Variants in ZNF782 observed in about 807,000 individuals in gnomAD.
The protein encoded by ZNF782 is zinc finger protein 782.
Under a neutral mutation model 13.0 loss-of-function variants are expected in ZNF782, and 12 were observed. The ratio of observed to expected loss-of-function variants is 0.92; its 90% CI spans 0.59 to 1.50. The LOEUF (loss-of-function observed/expected upper bound fraction) is 1.50, where lower values mean the gene tolerates loss of function less well. Ranked by LOEUF, ZNF782 falls within the 40% of genes most tolerant of loss-of-function variation. The pLI, the probability that ZNF782 is intolerant of heterozygous loss-of-function variation, is 0.00. For synonymous variants in ZNF782, 284 were observed against 283.0 expected, an observed-to-expected ratio of 1.00 and a Z score of -0.04; for missense variants, 770 against 822.9, an observed-to-expected ratio of 0.94 and a Z score of 0.79.
chr9:96,826,580 A>G (rs1317684224), intron 5 of ZNF782, among the ~76,000 whole-genome samples: 1 of 152,112 alleles, frequency 6.6e-6, no homozygotes, highest in African/African-American at 2.4e-5. Context: ...ATAAATAAAT[A>G]AATAAAAGAG....
chr9:96,848,936 A>G (rs1040309492), intron 3 of ZNF782, among the ~76,000 whole-genome samples: 48 of 152,374 alleles, frequency 3.2e-4, no homozygotes, highest in African/African-American at 1.2e-3. Flanking sequence ...CTACAAGGCT[A>G]TAATTCCCAA....
chr9:96,901,423 C>T, the ZNF782 span, among the ~76,000 whole-genome samples: 9,287 of 150,614 alleles, frequency 0.062, 646 homozygotes, highest in East Asian at 0.33. Context: ...AGATGTGCAC[C>T]ACCACGCCTG....
At chr9:96,844,869 C>T (rs918570557) in intron 4 of ZNF782, 21 bp downstream of exon 4, 3 of 1,613,582 alleles carry the variant, frequency 1.9e-6, no homozygotes, top group African/African-American at 2.7e-5. Flanking sequence ...TGGAGGGAAC[C>T]CCATGGTAAG....
At chr9:96,879,347 C>CA (rs1311259538), upstream of ZNF782, among the ~76,000 whole-genome samples, 1 of 151,998 alleles carries the variant, frequency 6.6e-6, no homozygotes, top group Non-Finnish European at 1.5e-5. Flanking sequence ...ACAACAACAA[C>CA]AAAAAATTAG....
At chr9:96,893,268 AC>A in the ZNF782 span, 1 of 152,250 alleles carries the variant, frequency 6.6e-6, no homozygotes, top group African/African-American at 2.4e-5. Flanking sequence ...AGAACACACA[AC>A]AAAGCAAGGA....
chr9:96,921,685 AC>A, the ZNF782 span, among the ~76,000 whole-genome samples: 1 of 147,692 alleles, frequency 6.8e-6, no homozygotes, highest in South Asian at 2.2e-4. Context: ...ACATAGTGAA[AC>A]CCCATCTCTA....
chr9:96,891,509 C>T, the ZNF782 span: 1 of 151,756 alleles, frequency 6.6e-6, no homozygotes, highest in South Asian at 2.1e-4. Context: ...ATGTTACCAT[C>T]ACCCAGGTGA....
the ZNF782 span, among the ~76,000 whole-genome samples, chr9:96,903,640 G>A: frequency 8.0e-6 from 1 of 124,648 alleles, no homozygotes; most frequent in African/African-American, 3.0e-5. Context: ...TCGGCTCACT[G>A]CAAGCTCCGC....
chr9:96,882,347 A>G, the ZNF782 span, among the ~76,000 whole-genome samples: 1 of 152,190 alleles, frequency 6.6e-6, no homozygotes, highest in Non-Finnish European at 1.5e-5. Flanking sequence ...ATTAGCAGCC[A>G]TTGGCCAGTA....
the ZNF782 span, among the ~76,000 whole-genome samples, chr9:96,920,268 CT>C: frequency 0.17 from 22,124 of 132,566 alleles, 2,072 homozygotes; most frequent in Non-Finnish European, 0.24. Flanking sequence ...ACACCAAAAC[CT>C]TTTTTTTTTT....
At chr9:96,920,691 C>T in the ZNF782 span, among the ~76,000 whole-genome samples, 14 of 149,498 alleles carry the variant, frequency 9.4e-5, no homozygotes, top group South Asian at 2.1e-4. Context: ...CCGAGGCAGG[C>T]GGATCCAGGG....
At chr9:96,905,742 T>C in the ZNF782 span, among the ~76,000 whole-genome samples, 4 of 152,214 alleles carry the variant, frequency 2.6e-5, no homozygotes, top group Admixed American at 2.6e-4. Context: ...TGCGCCACTA[T>C]GCCCAGCTAA....
chr9:96,892,880 C>T, the ZNF782 span: 1 of 147,644 alleles, frequency 6.8e-6, no homozygotes, highest in Non-Finnish European at 1.5e-5. Flanking sequence ...TCAAACTGTC[C>T]TACAAATTGC....
chr9:96,902,061 A>T, the ZNF782 span, among the ~76,000 whole-genome samples: 1 of 152,122 alleles, frequency 6.6e-6, no homozygotes, highest in South Asian at 2.1e-4. Context: ...AGTGGTTCTC[A>T]AAGTGTGGCA....
the ZNF782 span, among the ~76,000 whole-genome samples, chr9:96,902,421 C>A: frequency 6.4e-3 from 451 of 70,090 alleles, no homozygotes; most frequent in African/African-American, 0.014. Context: ...ATCTCCATCT[C>A]AAAAAAAAAA....
chr9:96,887,215 G>A, the ZNF782 span, among the ~76,000 whole-genome samples: 1 of 151,542 alleles, frequency 6.6e-6, no homozygotes, highest in African/African-American at 2.4e-5. Context: ...TCGGGAGGCT[G>A]AGGCAGGAGA....
chr9:96,847,049 T>C (rs924308972), intron 3 of ZNF782, among the ~76,000 whole-genome samples: 2 of 152,012 alleles, frequency 1.3e-5, no homozygotes, highest in Admixed American at 6.6e-5. Flanking sequence ...TTTAAAACTA[T>C]AAAAATACAT....
chr9:96,893,120 C>T, the ZNF782 span: 2 of 152,174 alleles, frequency 1.3e-5, no homozygotes, highest in Admixed American at 1.3e-4. Context: ...TATGTGCTCA[C>T]AATTTTCCAT....
At chr9:96,876,943 C>CAAAAAAAAAAA (rs398011569), upstream of ZNF782, among the ~76,000 whole-genome samples, 14 of 42,820 alleles carry the variant, frequency 3.3e-4, no homozygotes, top group Non-Finnish European at 4.8e-4. Flanking sequence ...AACTCCGACT[C>CAAAAAAAAAAA]AAAAAAAAAA....
Sources: gnomAD v4.1 joint callset for allele counts (sites outside exome capture counted in the v4.1 genomes callset) on GRCh38, gnomAD v4.1.1 for gene constraint, MANE v1.5 for transcripts, NCBI Gene and HGNC (gene_info 2026-07-23, HGNC 2026-07-21) for gene names.